Variants in MLLT3 observed in about 807,000 individuals in gnomAD.
The protein encoded by MLLT3 is MLLT3 super elongation complex subunit, also known as protein AF-9.
A neutral mutation model predicts 53.2 loss-of-function variants in MLLT3; 4 were observed. The ratio of observed to expected loss-of-function variants is 0.08; its 90% CI spans 0.04 to 0.17. The LOEUF is 0.17. MLLT3 is among the 10% of genes least tolerant of loss of function. The pLI, the probability that MLLT3 is intolerant of heterozygous loss-of-function variation, is 1.00. For synonymous variants in MLLT3, 283 were observed against 230.6 expected (o/e 1.23, Z -2.06); for missense variants, 569 against 684.0 (o/e 0.83, Z 1.87).
intron 10 of MLLT3, among the ~76,000 whole-genome samples, chr9:20,352,431 C>A (rs2118603162): frequency 6.6e-6 from 1 of 152,188 alleles, no homozygotes; most frequent in African/African-American, 2.4e-5. Flanking sequence ...TCAAAAGAGG[C>A]CTAAGAAGAA....
chr9:20,543,185 G>A (rs992945622), intron 2 of MLLT3, among the ~76,000 whole-genome samples: 2 of 152,176 alleles, frequency 1.3e-5, no homozygotes, highest in African/African-American at 4.8e-5. Context: ...ACATTCGACT[G>A]TTCACTGAAG....
chr9:20,419,472 T>C (rs996558884), intron 4 of MLLT3, among the ~76,000 whole-genome samples: 4 of 151,162 alleles, frequency 2.6e-5, no homozygotes, highest in African/African-American at 9.7e-5. Flanking sequence ...GAAAAAAATT[T>C]TCATAAACTA....
chr9:20,613,070 G>GAAAT (rs1428529036), intron 2 of MLLT3, among the ~76,000 whole-genome samples: 3 of 152,130 alleles, frequency 2.0e-5, no homozygotes, highest in Non-Finnish European at 4.4e-5. Flanking sequence ...TTCCCATGAT[G>GAAAT]AAATACTAAG....
In MLLT3 at chr9:20,401,433, GAACT is replaced by G. The variant is rs550984054; in HGVS notation, c.1125+12284_1125+12287del. Among the ~76,000 whole-genome samples the G allele has an allele frequency of 1.4e-4, 21 of 152,256 alleles. 1 individual carries two copies. Among genetic ancestry groups the G allele is most frequent in the Middle Eastern group, 3.4e-3 (1 of 294 alleles). On this transcript the variant is annotated intron_variant, in intron 5 of 10. Transcript: ENST00000380338. ...CACCTGGCACTAATGTATACATCAT[GAACT>G]AACATTGTTTTTTTCATTAAATGAG... is the stretch of plus-strand genomic sequence containing the variant.
chr9:20,528,116 A>G (rs1341170334), intron 2 of MLLT3, among the ~76,000 whole-genome samples: 4 of 152,228 alleles, frequency 2.6e-5, no homozygotes, highest in Non-Finnish European at 5.9e-5. Flanking sequence ...CTGCCTCATC[A>G]TTAAACACAG....
chr9:20,566,083 T>A (rs972180498), intron 2 of MLLT3, among the ~76,000 whole-genome samples: 2 of 142,002 alleles, frequency 1.4e-5, no homozygotes, highest in South Asian at 2.1e-4. Flanking sequence ...TATATATATA[T>A]AAATATATAT....
intron 2 of MLLT3, among the ~76,000 whole-genome samples, chr9:20,497,111 T>C (rs976565546): frequency 6.6e-6 from 1 of 152,238 alleles, no homozygotes; most frequent in Non-Finnish European, 1.5e-5. Flanking sequence ...ATTTAAATGG[T>C]TTCTTGTCAT....
intron 4 of MLLT3, among the ~76,000 whole-genome samples, chr9:20,433,788 G>A (rs932297368): frequency 1.3e-5 from 2 of 151,992 alleles, no homozygotes; most frequent in South Asian, 2.1e-4. Context: ...TAAATGCTAC[G>A]TATGATTGTA....
chr9:20,573,163 GTTTT>G (rs756920427), intron 2 of MLLT3, among the ~76,000 whole-genome samples: 1 of 132,170 alleles, frequency 7.6e-6, no homozygotes, highest in African/African-American at 2.8e-5. Flanking sequence ...TTTTGTTCCT[GTTTT>G]TGTTTGTTTT....
intron 2 of MLLT3, among the ~76,000 whole-genome samples, chr9:20,527,180 G>A (rs1818225157): frequency 6.6e-6 from 1 of 152,132 alleles, no homozygotes; most frequent in African/African-American, 2.4e-5. Flanking sequence ...TCAATTTAAG[G>A]TTATTGTGGA....
intron 2 of MLLT3, among the ~76,000 whole-genome samples, chr9:20,545,255 A>C (rs1818756512): frequency 6.6e-6 from 1 of 152,178 alleles, no homozygotes; most frequent in Non-Finnish European, 1.5e-5. Flanking sequence ...ATTCTGTCAT[A>C]TACTATAAGA....
chr9:20,385,799 T>C (rs1367619429), intron 5 of MLLT3, among the ~76,000 whole-genome samples: 1 of 152,210 alleles, frequency 6.6e-6, no homozygotes, highest in Admixed American at 6.5e-5. Flanking sequence ...TATAATTATA[T>C]ACCACTAATT....
chr9:20,429,931 A>G (rs966062154), intron 4 of MLLT3, among the ~76,000 whole-genome samples: 2 of 152,118 alleles, frequency 1.3e-5, no homozygotes, highest in African/African-American at 4.8e-5. Flanking sequence ...CACTGGGGGG[A>G]AAAGGATAGG....
At chr9:20,347,126 C>A (rs1479031423) in intron 10 of MLLT3, among the ~76,000 whole-genome samples, 1 of 150,178 alleles carries the variant, frequency 6.7e-6, no homozygotes, top group African/African-American at 2.4e-5. Context: ...TACAATCCCA[C>A]CCCCTTAACA....
chr9:20,493,407 T>C (rs1296901894), intron 2 of MLLT3, among the ~76,000 whole-genome samples: 1 of 152,008 alleles, frequency 6.6e-6, no homozygotes, highest in African/African-American at 2.4e-5. Flanking sequence ...AACATCCTTA[T>C]CTTTTAACAC....
At chr9:20,444,178 G>C (rs1438303247) in intron 4 of MLLT3, among the ~76,000 whole-genome samples, 2 of 152,144 alleles carry the variant, frequency 1.3e-5, no homozygotes, top group Non-Finnish European at 2.9e-5. Context: ...AGGGAATAGA[G>C]AGAAAATTAT....
Position 20,344,380 on chromosome 9 carries a change from T to C in MLLT3, c.*2063A>G, listed in dbSNP as rs1398203712. ...CAGAATATGTGTTAGCAGTTAGAAA[T>C]TTTAAAATATTTTAAAAATTTGCAA... On this transcript the variant is annotated 3_prime_UTR_variant, in exon 11 of 11. Transcript: ENST00000380338. The C allele has an allele frequency of 9.7e-6, 2 of 205,550 alleles. No individual in the cohort carries two copies. The highest frequency in any genetic ancestry group is 2.0e-5 in the Non-Finnish European group (2 of 100,400). 12.7% of individuals were successfully genotyped at this position (205,550 alleles called of 1,614,324 possible). A position where few individuals can be genotyped will look rare whatever the true frequency, so the allele number is the denominator to read the frequency against.
Position 20,620,849 on chromosome 9 carries a change from A to G in MLLT3, c.13-15T>C. 6.2e-7 allele frequency: 1 copy of G among 1,612,970 alleles called. No homozygotes were observed. The highest frequency in any genetic ancestry group is 8.5e-7 in the Non-Finnish European group (1 of 1,179,434). ...TGCACGGCACACTGCGGGCAGGGGG[A>G]GGAGAGACAGCCGTGAATAACAGGA... On this transcript the variant is annotated splice_polypyrimidine_tract_variant and intron_variant, in intron 1 of 10. Coordinates refer to ENST00000380338, the MANE Select transcript of MLLT3 (RefSeq NM_004529.4). The surrounding 1 kb of genome is among the most constrained non-coding windows in gnomAD (Gnocchi z 6.1).
chr9:20,610,642 G>C (rs148281941), intron 2 of MLLT3, among the ~76,000 whole-genome samples: 148 of 152,210 alleles, frequency 9.7e-4, no homozygotes, highest in Non-Finnish European at 1.7e-3. Context: ...GCTATAAGTA[G>C]TATCTACAGT....
Sources: gnomAD v4.1 joint callset for allele counts (sites outside exome capture counted in the v4.1 genomes callset) on GRCh38, gnomAD v4.1.1 for gene constraint, Gnocchi (gnomAD v3.1) non-coding constraint, MANE v1.5 for transcripts, NCBI Gene and HGNC (gene_info 2026-07-23, HGNC 2026-07-21) for gene names.